The following TENM2 variants were observed in gnomAD, a reference collection of about 807,000 sequenced individuals.
The protein encoded by TENM2 is teneurin-2.
Under a neutral mutation model 245.2 loss-of-function variants are expected in TENM2, and 52 were observed. The observed-to-expected ratio is 0.21, with a 90% CI of 0.17 to 0.27. TENM2 has a LOEUF of 0.27. Ranked by LOEUF, TENM2 falls within the 10% of genes least tolerant of loss-of-function variation. TENM2 has a pLI of 1.00. For synonymous variants in TENM2, 1,363 were observed against 1,438.9 expected (o/e 0.95, Z 1.19); for missense variants, 3,046 against 3,666.8 (o/e 0.83, Z 4.37).
chr5:167,304,856 C>A (rs1249711331), intron 1 of TENM2, among the ~76,000 whole-genome samples: 1 of 152,154 alleles, frequency 6.6e-6, no homozygotes, highest in Non-Finnish European at 1.5e-5. Flanking sequence ...GTTCAGATTT[C>A]AGAAAGTGCA....
In TENM2 at chr5:167,327,587, C is replaced by T. The variant is rs186058040; in HGVS notation, c.226+42524C>T. Among the ~76,000 whole-genome samples, 611 of 152,184 alleles carry T rather than the reference C, an allele frequency of 4.0e-3. 3 individuals carry two copies. Among genetic ancestry groups the T allele is most frequent in the African/African-American group, 0.014 (590 of 41,508 alleles). On this transcript the variant is annotated intron_variant, in intron 1 of 28. Transcript: ENST00000518659. The stretch of plus-strand genomic sequence containing the variant: ...AACAGGGATTAACATGCCTTAGAGA[C>T]AGCATGTTCAGAAAAAACCTCCCCG...
the TENM2 span, among the ~76,000 whole-genome samples, chr5:166,992,697 A>G: frequency 6.6e-6 from 1 of 152,180 alleles, no homozygotes; most frequent in East Asian, 1.9e-4. Flanking sequence ...AATTCTTTGA[A>G]GAATCAGGAG....
intron 3 of TENM2, among the ~76,000 whole-genome samples, chr5:167,893,436 C>A (rs1358581632): frequency 1.3e-5 from 2 of 152,086 alleles, no homozygotes; most frequent in Non-Finnish European, 1.5e-5. Context: ...CGTATCAAGA[C>A]CCCTGCTGTG....
chr5:167,839,206 A>C (rs2151138578), intron 2 of TENM2, among the ~76,000 whole-genome samples: 1 of 152,350 alleles, frequency 6.6e-6, no homozygotes, highest in Non-Finnish European at 1.5e-5. Context: ...TGATTCTTAC[A>C]GGCCCAGTCC....
At chr5:167,862,643 T>C (rs1293670425) in intron 2 of TENM2, among the ~76,000 whole-genome samples, 3 of 152,152 alleles carry the variant, frequency 2.0e-5, no homozygotes, top group South Asian at 2.1e-4. Context: ...CCCCGGAGAG[T>C]GTCCTAAGTG....
chr5:168,019,262 T>A (rs1468143814), intron 5 of TENM2, among the ~76,000 whole-genome samples: 1 of 152,152 alleles, frequency 6.6e-6, no homozygotes, highest in Non-Finnish European at 1.5e-5. Context: ...TAAGAATGTG[T>A]ATTTGGATTT....
intron 2 of TENM2, among the ~76,000 whole-genome samples, chr5:167,828,719 A>C (rs1768201356): frequency 6.6e-6 from 1 of 152,238 alleles, no homozygotes; most frequent in Non-Finnish European, 1.5e-5. Flanking sequence ...TAGGAAGGGT[A>C]ATCCTCTTTA....
chr5:167,035,870 G>T, the TENM2 span, among the ~76,000 whole-genome samples: 1 of 152,190 alleles, frequency 6.6e-6, no homozygotes, highest in African/African-American at 2.4e-5. Context: ...AGTCTCCCCT[G>T]TAGCTGGGAT....
chr5:167,047,955 A>AAAAC, the TENM2 span, among the ~76,000 whole-genome samples: 95,571 of 151,568 alleles, frequency 0.63, 32,194 homozygotes, highest in African/African-American at 0.89. Flanking sequence ...CCCTATAGCA[A>AAAAC]AAACAAACAA....
At chr5:167,350,719 G>T in intron 1 of TENM2, among the ~76,000 whole-genome samples, 2 of 128,402 alleles carry the variant, frequency 1.6e-5, no homozygotes, top group Admixed American at 8.2e-5. Flanking sequence ...TATATATATG[G>T]GATATATACA....
intron 13 of TENM2, among the ~76,000 whole-genome samples, chr5:168,173,268 C>T (rs1759018428): frequency 3.9e-5 from 6 of 152,178 alleles, no homozygotes; most frequent in Admixed American, 3.9e-4. Flanking sequence ...TACTCAAGGC[C>T]AAGGAGCAGG....
chr5:167,105,956 CAAGCAGCTTTGAG>C, the TENM2 span, among the ~76,000 whole-genome samples: 12 of 131,910 alleles, frequency 9.1e-5, no homozygotes, highest in Admixed American at 9.5e-4. Context: ...AATGTGTGTG[CAAGCAGCTTTGAG>C]AAATGTGAAG....
intron 2 of TENM2, among the ~76,000 whole-genome samples, chr5:167,764,811 AG>A (rs1762900966): frequency 6.6e-6 from 1 of 152,134 alleles, no homozygotes; most frequent in Non-Finnish European, 1.5e-5. Context: ...CCCCTCTGCC[AG>A]ACACACTCCT....
At chr5:167,894,077 A>T (rs1244192553) in intron 3 of TENM2, among the ~76,000 whole-genome samples, 1 of 152,190 alleles carries the variant, frequency 6.6e-6, no homozygotes, top group Non-Finnish European at 1.5e-5. Context: ...ACAGTTCAAG[A>T]AGTTTAATAG....
intron 2 of TENM2, among the ~76,000 whole-genome samples, chr5:167,840,449 CTT>C (rs1450935201): frequency 2.6e-5 from 4 of 152,162 alleles, no homozygotes; most frequent in Non-Finnish European, 5.9e-5. Flanking sequence ...GAATGTCACT[CTT>C]TGGCAAATTC....
intron 2 of TENM2, among the ~76,000 whole-genome samples, chr5:167,678,035 A>T (rs955150796): frequency 6.6e-6 from 1 of 152,036 alleles, no homozygotes; most frequent in Non-Finnish European, 1.5e-5. Context: ...TTTGTGGTAT[A>T]TTGTAATTTA....
At chr5:167,505,148 A>T (rs965332174) in intron 2 of TENM2, among the ~76,000 whole-genome samples, 1 of 152,158 alleles carries the variant, frequency 6.6e-6, no homozygotes, top group Non-Finnish European at 1.5e-5. Context: ...TTGATATTCA[A>T]ACTGATGCTA....
chr5:167,441,613 A>G (rs1333728931), intron 2 of TENM2, among the ~76,000 whole-genome samples: 2 of 152,182 alleles, frequency 1.3e-5, no homozygotes, highest in Non-Finnish European at 2.9e-5. Flanking sequence ...TTCCTATTTC[A>G]TCTGCAGATA....
At chr5:167,348,450 A>G (rs1581802235) in intron 1 of TENM2, among the ~76,000 whole-genome samples, 1 of 152,178 alleles carries the variant, frequency 6.6e-6, no homozygotes, top group Non-Finnish European at 1.5e-5. Context: ...AGGGGCGCTT[A>G]TCCTGGCGAC....
Sources: allele counts gnomAD v4.1 joint callset (sites outside exome capture counted in the v4.1 genomes callset), GRCh38; gene constraint gnomAD v4.1.1; transcripts MANE v1.5; gene names NCBI Gene and HGNC (gene_info 2026-07-23, HGNC 2026-07-21).